The following USP25 variants were observed in gnomAD, a reference collection of about 807,000 sequenced individuals.
USP25 encodes the protein ubiquitin carboxyl-terminal hydrolase 25.
Under a neutral mutation model 158.5 loss-of-function variants are expected in USP25, and 85 were observed. The ratio of observed to expected loss-of-function variants is 0.54; its 90% CI spans 0.45 to 0.64. USP25 has a LOEUF of 0.64. USP25 is among the 30% of genes least tolerant of loss of function. The probability of loss-of-function intolerance (pLI) is 0.00; values close to 1 mark genes in which losing one functional copy is unlikely to be tolerated. For synonymous variants in USP25, 464 were observed against 460.4 expected (o/e 1.01, Z -0.10); for missense variants, 1,242 against 1,327.3 (o/e 0.94, Z 1.00).
intron 10 of USP25, among the ~76,000 whole-genome samples, chr21:15,820,088 A>C (rs2037156012): frequency 6.6e-6 from 1 of 152,060 alleles, no homozygotes; most frequent in Non-Finnish European, 1.5e-5. Flanking sequence ...AGAATGTTTA[A>C]ATTCAGCTTA....
chr21:15,821,610 A>G (rs757242748), intron 10 of USP25, among the ~76,000 whole-genome samples: 4 of 152,098 alleles, frequency 2.6e-5, no homozygotes, highest in Middle Eastern at 3.4e-3. Context: ...TAGAGGTTAT[A>G]TGGGGAACTT....
chr21:15,760,168 G>C (rs760360164), intron 1 of USP25, among the ~76,000 whole-genome samples: 1 of 152,198 alleles, frequency 6.6e-6, no homozygotes, highest in African/African-American at 2.4e-5. Flanking sequence ...AATCTCCTTT[G>C]CAGCTATGAG....
In USP25 at chr21:15,843,714, G is replaced by T. The variant is rs867525676; in HGVS notation, c.2337+1174G>T. Among the ~76,000 whole-genome samples, 92 of 152,116 alleles carry T rather than the reference G, an allele frequency of 6.0e-4. No homozygotes were observed. The highest frequency in any genetic ancestry group is 2.1e-3 in the African/African-American group (89 of 41,444). ...TGGATCTGGGATGTCTGCTTCTTGG[G>T]TGATGGTAAGAGGAAAACCTAGGGA... is the stretch of plus-strand genomic sequence containing the variant. On this transcript the variant is annotated intron_variant, in intron 18 of 25. Transcript: ENST00000400183. This position sits in a 1 kb window ranked among gnomAD's most constrained non-coding sequence, Gnocchi z 4.0.
At chr21:15,865,672 ATGGAG>A (rs1346512893) in intron 21 of USP25, among the ~76,000 whole-genome samples, 1 of 152,180 alleles carries the variant, frequency 6.6e-6, no homozygotes, top group Non-Finnish European at 1.5e-5. Context: ...GAAGATATTA[ATGGAG>A]TAATCACATT....
intron 7 of USP25, among the ~76,000 whole-genome samples, chr21:15,806,451 C>CTAGA (rs2036397328): frequency 7.5e-6 from 1 of 133,580 alleles, no homozygotes; most frequent in Non-Finnish European, 1.6e-5. Flanking sequence ...TCTTTCTTTT[C>CTAGA]TAGAGATTCA....
chr21:15,740,857 T>C (rs1476367766), intron 1 of USP25, among the ~76,000 whole-genome samples: 5 of 151,942 alleles, frequency 3.3e-5, no homozygotes, highest in Middle Eastern at 6.3e-3. Context: ...TCATTCATAC[T>C]GTCCCTCTTT....
rs1352438393 is a variant in USP25, at chr21:15,766,677, A to G, written c.268+536A>G. Among the ~76,000 whole-genome samples, 1 of 152,072 alleles carries G rather than the reference A, an allele frequency of 6.6e-6. No homozygotes were observed. The highest frequency in any genetic ancestry group is 1.5e-5 in the Non-Finnish European group (1 of 67,962). ...GTGTTTTGGAGATACAAATACGTAC[A>G]TGTGGAAGATTCTATGTGGGACTTA... On this transcript the variant is annotated intron_variant, in intron 3 of 25. Transcript: ENST00000400183. This position sits in a 1 kb window ranked among gnomAD's most constrained non-coding sequence, Gnocchi z 4.0.
chr21:15,871,741 T>C (rs117239027), intron 23 of USP25, among the ~76,000 whole-genome samples: 1,820 of 152,272 alleles, frequency 0.012, 26 homozygotes, highest in Non-Finnish European at 0.019. Flanking sequence ...TACATACTTA[T>C]TCAGAAAGTT....
chr21:15,870,484 TA>T (rs1254398613), intron 23 of USP25, among the ~76,000 whole-genome samples: 2 of 152,190 alleles, frequency 1.3e-5, no homozygotes, highest in Non-Finnish European at 2.9e-5. Context: ...TCAGGTTCTG[TA>T]AAAAGTGTAG....
intron 16 of USP25, among the ~76,000 whole-genome samples, 154 bp downstream of exon 16, chr21:15,831,783 C>T (rs1205590769): frequency 6.6e-6 from 1 of 152,136 alleles, no homozygotes; most frequent in African/African-American, 2.4e-5. Flanking sequence ...AAAGTAATGT[C>T]GTCAGGGCTA....
chr21:15,750,906 C>T (rs2123311901), intron 1 of USP25, among the ~76,000 whole-genome samples: 2 of 152,326 alleles, frequency 1.3e-5, no homozygotes, highest in South Asian at 2.1e-4. Context: ...GCATGAGCCA[C>T]CGCGCCTGGC....
intron 4 of USP25, among the ~76,000 whole-genome samples, chr21:15,781,986 C>A (rs1324953718): frequency 2.0e-5 from 3 of 152,160 alleles, no homozygotes; most frequent in Non-Finnish European, 4.4e-5. Flanking sequence ...CAGTAGCCAC[C>A]CTGTATCCCA....
intron 4 of USP25, among the ~76,000 whole-genome samples, chr21:15,787,054 A>C (rs2035316448): frequency 6.6e-6 from 1 of 152,096 alleles, no homozygotes; most frequent in Non-Finnish European, 1.5e-5. Context: ...ACTTAACCAA[A>C]GAGATAAAAG....
intron 1 of USP25, among the ~76,000 whole-genome samples, chr21:15,731,135 T>A (rs2030845008): frequency 6.6e-6 from 1 of 152,134 alleles, no homozygotes; most frequent in South Asian, 2.1e-4. Flanking sequence ...AAATGGTCAC[T>A]CACTAAAGAA....
At chr21:15,833,574 T>C in intron 17 of USP25, 26 bp downstream of exon 17, 1 of 1,582,414 alleles carries the variant, frequency 6.3e-7, no homozygotes, top group African/African-American at 1.4e-5. Context: ...TTAAGTTGTG[T>C]TTGATTATCA....
chr21:15,759,828 A>T (rs543612768), intron 1 of USP25, among the ~76,000 whole-genome samples: 1 of 152,206 alleles, frequency 6.6e-6, no homozygotes, highest in African/African-American at 2.4e-5. Flanking sequence ...GAAGCTTCAG[A>T]TTTTGTTTTT....
At position 15,842,384 on chromosome 21, in the gene USP25, C is replaced by A. The variant is rs1244194862; in HGVS notation, c.2195-14C>A. 3.1e-6 allele frequency: 5 copies of A among 1,611,346 alleles called. No individual in the cohort carries two copies. Among genetic ancestry groups the A allele is most frequent in the Admixed American group, 1.7e-5 (1 of 59,392 alleles). ...GTTTATATTAGATATATAATTGATT[C>A]TTTTCTCATGAAGCACAAGCAGCAG... is the stretch of plus-strand genomic sequence containing the variant. On this transcript the variant is annotated splice_polypyrimidine_tract_variant and intron_variant, in intron 17 of 25. Transcript: ENST00000400183.
intron 1 of USP25, among the ~76,000 whole-genome samples, chr21:15,737,776 A>G (rs368560159): frequency 6.6e-6 from 1 of 151,100 alleles, no homozygotes; most frequent in Non-Finnish European, 1.5e-5. Flanking sequence ...CATCATATAC[A>G]GATTGAATCT....
chr21:15,789,487 T>C (rs1241603865), intron 4 of USP25, among the ~76,000 whole-genome samples: 1 of 152,108 alleles, frequency 6.6e-6, no homozygotes, highest in Non-Finnish European at 1.5e-5. Context: ...TAGTTAAATA[T>C]AACGACAGAT....
Sources: gnomAD v4.1 joint callset for allele counts (sites outside exome capture counted in the v4.1 genomes callset) on GRCh38, gnomAD v4.1.1 for gene constraint, Gnocchi (gnomAD v3.1) non-coding constraint, MANE v1.5 for transcripts, NCBI Gene and HGNC (gene_info 2026-07-23, HGNC 2026-07-21) for gene names.